The following TBX15 variants were observed in gnomAD, a reference collection of about 807,000 sequenced individuals.
TBX15 encodes T-box transcription factor 15, also known as T-box transcription factor TBX15.
In TBX15, 18 loss-of-function variants were observed where a neutral mutation model predicts 53.9. That is an observed-to-expected ratio of 0.33 (90% confidence interval 0.23 to 0.49). The LOEUF is 0.49. TBX15 is among the 20% of genes least tolerant of loss of function. The pLI is 0.98. For synonymous variants in TBX15, 295 were observed against 278.0 expected, an observed-to-expected ratio of 1.06 and a Z score of -0.61; for missense variants, 692 against 749.5, an observed-to-expected ratio of 0.92 and a Z score of 0.90.
intron 1 of TBX15, among the ~76,000 whole-genome samples, chr1:118,972,646 TG>T (rs1657268118): frequency 6.6e-6 from 1 of 152,156 alleles, no homozygotes; most frequent in Non-Finnish European, 1.5e-5. Flanking sequence ...TCATCCAGGC[TG>T]GAGTGTAGCG....
At chr1:118,895,710 T>C (rs1266871468) in intron 7 of TBX15, among the ~76,000 whole-genome samples, 1 of 152,100 alleles carries the variant, frequency 6.6e-6, no homozygotes, top group Non-Finnish European at 1.5e-5. Flanking sequence ...TAAACACCCT[T>C]GAGTCTAACT....
intron 1 of TBX15, among the ~76,000 whole-genome samples, chr1:118,958,942 C>T (rs531522397): frequency 1.1e-4 from 17 of 151,308 alleles, no homozygotes; most frequent in Middle Eastern, 3.4e-3. Context: ...GCTTATTGTT[C>T]CAGTATTATA....
rs141021442 is a variant in TBX15, at chr1:118,903,172, C to T, written c.927-4047G>A. Among the ~76,000 whole-genome samples the T allele has an allele frequency of 3.3e-5, 5 of 152,238 alleles. No homozygotes were observed. The East Asian group carries it at 9.7e-4, about 29-fold the overall frequency. On this transcript the variant is annotated intron_variant, in intron 6 of 7. Transcript: ENST00000369429. ...TGGCTGTAATCACCTCTCCGGTTTCCAGGCCTCTTCTCTTTAGGCTTTTCA... is the reference window on the plus strand; with the variant it reads ...TGGCTGTAATCACCTCTCCGGTTTCTAGGCCTCTTCTCTTTAGGCTTTTCA...
intron 1 of TBX15, among the ~76,000 whole-genome samples, chr1:118,982,528 G>T (rs1050875611): frequency 1.3e-5 from 2 of 152,140 alleles, no homozygotes; most frequent in Admixed American, 1.3e-4. Flanking sequence ...CGAGGAACTC[G>T]TTTCCATGTT....
intron 5 of TBX15, among the ~76,000 whole-genome samples, chr1:118,917,617 T>C (rs548014952): frequency 3.9e-5 from 6 of 152,192 alleles, no homozygotes; most frequent in Non-Finnish European, 5.9e-5. Flanking sequence ...TATGTAAGCA[T>C]GAATATCAAA....
At chr1:118,975,519 T>A (rs369038657) in intron 1 of TBX15, among the ~76,000 whole-genome samples, 2 of 152,172 alleles carry the variant, frequency 1.3e-5, no homozygotes, top group South Asian at 2.1e-4. Context: ...TATAATCTAG[T>A]GGTTAAGGAT....
At chr1:118,963,656 G>A (rs925090585) in intron 1 of TBX15, among the ~76,000 whole-genome samples, 1 of 152,364 alleles carries the variant, frequency 6.6e-6, no homozygotes, top group South Asian at 2.1e-4. Context: ...TCACCACTCA[G>A]AAGAGAGCCA....
intron 1 of TBX15, among the ~76,000 whole-genome samples, chr1:118,945,946 A>G (rs12041340): frequency 0.18 from 26,817 of 152,228 alleles, 3,002 homozygotes; most frequent in East Asian, 0.5. Context: ...TGTATATATT[A>G]AAGTATTACT....
intron 5 of TBX15, among the ~76,000 whole-genome samples, chr1:118,922,761 T>G (rs1168529095): frequency 3.3e-5 from 5 of 152,192 alleles, no homozygotes; most frequent in African/African-American, 1.2e-4. Flanking sequence ...TAGTCCTCTT[T>G]CATTGTCAAA....
intron 1 of TBX15, among the ~76,000 whole-genome samples, chr1:118,939,437 C>CAAAAAAAAAAAAAAA: frequency 1.2e-5 from 1 of 84,676 alleles, no homozygotes; most frequent in South Asian, 4.1e-4. Flanking sequence ...AAAAAAAAAA[C>CAAAAAAAAAAAAAAA]AAAAACAGGA....
chr1:118,955,330 C>A lies in TBX15; in HGVS notation c.206-23498G>T, dbSNP rs144174694. On this transcript the variant is annotated intron_variant, in intron 1 of 7. Coordinates refer to ENST00000369429, the MANE Select transcript of TBX15 (RefSeq NM_001330677.2). Reference sequence around the variant, plus strand: ...TCATACAAGGGAAACTCCAGAACCACCCAAGGTTATAAGATTAAACTAACA... The same window carrying A: ...TCATACAAGGGAAACTCCAGAACCAACCAAGGTTATAAGATTAAACTAACA... 8.4e-4 allele frequency among the ~76,000 whole-genome samples: 128 copies of A among 152,272 alleles called. 1 individual carries two copies. Among genetic ancestry groups the A allele is most frequent in the East Asian group, 6.9e-3 (36 of 5,182 alleles).
intron 6 of TBX15, among the ~76,000 whole-genome samples, chr1:118,909,550 T>TTTGTTG (rs35781450): frequency 2.0e-5 from 3 of 151,960 alleles, no homozygotes; most frequent in African/African-American, 4.8e-5. Context: ...ATATCTCTGT[T>TTTGTTG]TTGTTGTTGT....
intron 1 of TBX15, among the ~76,000 whole-genome samples, chr1:118,939,217 G>A (rs1571191184): frequency 6.6e-6 from 1 of 151,340 alleles, no homozygotes; most frequent in African/African-American, 2.4e-5. Context: ...GACCAGCCTG[G>A]GCAACATGGC....
At chr1:118,891,827 C>T (rs1288031310) in intron 7 of TBX15, among the ~76,000 whole-genome samples, 2 of 152,138 alleles carry the variant, frequency 1.3e-5, no homozygotes, top group Non-Finnish European at 2.9e-5. Context: ...TTAAGCTTTG[C>T]CTAAAACTGC....
intron 1 of TBX15, among the ~76,000 whole-genome samples, chr1:118,966,076 A>T (rs934192957): frequency 2.0e-5 from 3 of 152,050 alleles, no homozygotes; most frequent in African/African-American, 4.8e-5. Context: ...TGAGTTTTTT[A>T]AAATTTATAA....
rs557697396 is a variant in TBX15 at position 118,969,155 on chromosome 1, C to A, written c.205+18436G>T. ...TGGACAAATGGACTCATTCCCTGTA[C>A]CTACTGAGCTCAAAGGATAGACCTC... On this transcript the variant is annotated intron_variant, in intron 1 of 7. Coordinates refer to ENST00000369429, the MANE Select transcript of TBX15 (RefSeq NM_001330677.2). Among the ~76,000 whole-genome samples the A allele has an allele frequency of 1.1e-4, 17 of 152,326 alleles. No homozygotes were observed. The South Asian group carries it at 3.1e-3, about 28-fold the overall frequency.
At chr1:118,969,170 G>T (rs1657150537) in intron 1 of TBX15, among the ~76,000 whole-genome samples, 1 of 152,176 alleles carries the variant, frequency 6.6e-6, no homozygotes, top group Non-Finnish European at 1.5e-5. Flanking sequence ...TGAGCTCAAA[G>T]GATAGACCTC....
intron 2 of TBX15, among the ~76,000 whole-genome samples, chr1:118,927,332 G>C (rs1220499984): frequency 1.3e-5 from 2 of 152,116 alleles, no homozygotes; most frequent in East Asian, 3.9e-4. Flanking sequence ...TTAAAGGTTA[G>C]TATAGCAACT....
In TBX15 at chr1:118,884,642, C is replaced by T. The variant is rs1653860342; in HGVS notation, c.*90G>A. The T allele has an allele frequency of 1.8e-6, 2 of 1,088,910 alleles. No homozygotes were observed. Among genetic ancestry groups the T allele is most frequent in the African/African-American group, 3.3e-5 (2 of 60,794 alleles). 67.5% of individuals were successfully genotyped at this position (1,088,910 alleles called of 1,614,324 possible). On this transcript the variant is annotated 3_prime_UTR_variant, in exon 8 of 8. Coordinates refer to ENST00000369429, the MANE Select transcript of TBX15 (RefSeq NM_001330677.2). The stretch of plus-strand genomic sequence containing the variant: ...AAAAAAAAACACGGTTCCTGTTTTT[C>T]AAAGACACTGGACTCCCAAAGAGGA...
Sources: allele counts gnomAD v4.1 joint callset (sites outside exome capture counted in the v4.1 genomes callset), GRCh38; gene constraint gnomAD v4.1.1; transcripts MANE v1.5; gene names NCBI Gene and HGNC (gene_info 2026-07-23, HGNC 2026-07-21).